LRRC4C: variants seen among roughly 807,000 people sequenced by gnomAD.
LRRC4C encodes the protein leucine-rich repeat-containing protein 4C.
LRRC4C carries 5 observed loss-of-function variants against 33.6 expected under a neutral mutation model. That is an observed-to-expected ratio of 0.15 (90% CI 0.08 to 0.31). The LOEUF (loss-of-function observed/expected upper bound fraction) is 0.31, where lower values mean the gene tolerates loss of function less well. LRRC4C is among the 10% of genes least tolerant of loss of function. The probability of loss-of-function intolerance (pLI) is 1.00; values close to 1 mark genes in which losing one functional copy is unlikely to be tolerated. For synonymous variants in LRRC4C, 329 were observed against 302.0 expected (o/e 1.09, Z -0.93); for missense variants, 560 against 796.7 (o/e 0.70, Z 3.58).
At position 40,609,933 on chromosome 11, in the gene LRRC4C, A is replaced by T. The variant is rs535685351; in HGVS notation, c.-270+38209T>A. ...CTAACAGAGAAAAGTCCAGAACCAG[A>T]TAGCTTCACTGGTGAATTCTACCAA... On this transcript the variant is annotated intron_variant, in intron 3 of 6. Coordinates refer to ENST00000528697, the MANE Select transcript of LRRC4C (RefSeq NM_001258419.2). 5.3e-5 allele frequency among the ~76,000 whole-genome samples: 8 copies of T among 152,122 alleles called. No individual in the cohort carries two copies. The South Asian group carries it at 1.7e-3, about 32-fold the overall frequency.
intron 1 of LRRC4C, among the ~76,000 whole-genome samples, chr11:41,381,226 G>A (rs987992606): frequency 6.6e-6 from 1 of 152,056 alleles, no homozygotes; most frequent in Admixed American, 6.6e-5. Context: ...AAAGTGGGGG[G>A]AACATTGTAA....
At chr11:40,785,425 GTAT>G (rs1203827368) in intron 2 of LRRC4C, among the ~76,000 whole-genome samples, 1 of 152,068 alleles carries the variant, frequency 6.6e-6, no homozygotes, top group Non-Finnish European at 1.5e-5. Context: ...TCACTAAAGG[GTAT>G]TATTAGAGGC....
intron 2 of LRRC4C, among the ~76,000 whole-genome samples, chr11:40,831,329 A>G (rs1952402919): frequency 6.6e-6 from 1 of 152,128 alleles, no homozygotes; most frequent in Non-Finnish European, 1.5e-5. Context: ...ATTATAAAAT[A>G]ATCCTTTAGT....
chr11:40,856,430 T>A (rs1953786154), intron 2 of LRRC4C, among the ~76,000 whole-genome samples: 1 of 152,108 alleles, frequency 6.6e-6, no homozygotes, highest in Non-Finnish European at 1.5e-5. Context: ...AGAGAAAAAA[T>A]TGCTCATTTT....
chr11:40,681,439 T>C (rs1403170013), intron 2 of LRRC4C, among the ~76,000 whole-genome samples: 1 of 152,212 alleles, frequency 6.6e-6, no homozygotes, highest in African/African-American at 2.4e-5. Flanking sequence ...ATGGCAAATG[T>C]AATAGGGTGC....
At chr11:40,977,006 G>T (rs1015525337) in intron 1 of LRRC4C, among the ~76,000 whole-genome samples, 3 of 152,052 alleles carry the variant, frequency 2.0e-5, no homozygotes, top group African/African-American at 7.2e-5. Flanking sequence ...TTGTTTTCCT[G>T]TAGCTAGATG....
At chr11:40,838,928 T>C (rs1217506059) in intron 2 of LRRC4C, among the ~76,000 whole-genome samples, 2 of 152,210 alleles carry the variant, frequency 1.3e-5, no homozygotes, top group East Asian at 3.9e-4. Context: ...ATGTATTTCT[T>C]TAACATTCTA....
intron 3 of LRRC4C, among the ~76,000 whole-genome samples, chr11:40,616,184 G>T (rs2135922155): frequency 6.6e-6 from 1 of 152,068 alleles, no homozygotes; most frequent in South Asian, 2.1e-4. Context: ...GGCCATCAAA[G>T]AAATGCAAAT....
intron 5 of LRRC4C, among the ~76,000 whole-genome samples, chr11:40,171,750 C>T (rs937814033): frequency 6.6e-6 from 1 of 152,134 alleles, no homozygotes; most frequent in African/African-American, 2.4e-5. Context: ...AAGTAGGTTG[C>T]TATTCGTTAT....
intron 3 of LRRC4C, among the ~76,000 whole-genome samples, chr11:40,645,875 A>G (rs185003353): frequency 2.5e-4 from 38 of 151,952 alleles, no homozygotes; most frequent in African/African-American, 8.4e-4. Context: ...AAGTCCCTCT[A>G]TTTTTCGGGG....
chr11:40,964,090 C>T (rs1298306265), intron 1 of LRRC4C, among the ~76,000 whole-genome samples: 2 of 151,462 alleles, frequency 1.3e-5, no homozygotes, highest in Non-Finnish European at 3.0e-5. Context: ...CAATGTGCCG[C>T]AGTTTCTTCA....
At chr11:41,210,235 C>G (rs182113789) in intron 1 of LRRC4C, among the ~76,000 whole-genome samples, 1 of 152,252 alleles carries the variant, frequency 6.6e-6, no homozygotes, top group East Asian at 1.9e-4. Context: ...GTGTCTTCAC[C>G]CAAATCTCAT....
intron 3 of LRRC4C, among the ~76,000 whole-genome samples, chr11:40,431,634 T>C (rs1950940820): frequency 6.6e-6 from 1 of 152,162 alleles, no homozygotes; most frequent in African/African-American, 2.4e-5. Flanking sequence ...CCTGTTAAAA[T>C]GTTTTGTCAT....
At chr11:41,389,117 C>T (rs1158870801) in intron 1 of LRRC4C, among the ~76,000 whole-genome samples, 2 of 151,762 alleles carry the variant, frequency 1.3e-5, no homozygotes, top group African/African-American at 4.8e-5. Flanking sequence ...ATTGAATTCT[C>T]TTTAATTTGT....
At position 40,330,983 on chromosome 11, in the gene LRRC4C, C is replaced by T. The variant is rs60852792; in HGVS notation, c.-269-11262G>A. Among the ~76,000 whole-genome samples the T allele has an allele frequency of 3.5e-3, 537 of 152,282 alleles. 6 individuals carry two copies. The highest frequency in any genetic ancestry group is 0.012 in the African/African-American group (511 of 41,550). ...TCTGACTATTCTTCCCTTCCCCATACCCTACCCAGACTCTAGGAACCACTC... is the reference window on the plus strand; with the variant it reads ...TCTGACTATTCTTCCCTTCCCCATATCCTACCCAGACTCTAGGAACCACTC... On this transcript the variant is annotated intron_variant, in intron 3 of 6. Transcript: ENST00000528697.
intron 1 of LRRC4C, among the ~76,000 whole-genome samples, chr11:41,050,694 A>G (rs1015374139): frequency 6.6e-6 from 1 of 152,060 alleles, no homozygotes; most frequent in Admixed American, 6.6e-5. Context: ...TCTATCACTG[A>G]TGGGCATTTG....
At chr11:40,940,849 T>C (rs547656133) in intron 1 of LRRC4C, among the ~76,000 whole-genome samples, 1 of 152,148 alleles carries the variant, frequency 6.6e-6, no homozygotes, top group Admixed American at 6.6e-5. Context: ...TTATTTTACT[T>C]ACTTAATTCT....
chr11:40,646,354 A>T (rs1942456280), intron 3 of LRRC4C, among the ~76,000 whole-genome samples: 1 of 152,222 alleles, frequency 6.6e-6, no homozygotes, highest in Admixed American at 6.5e-5. Context: ...CATAAGAATG[A>T]CACAAGCATA....
At chr11:41,136,059 A>G (rs1943246542) in intron 1 of LRRC4C, among the ~76,000 whole-genome samples, 1 of 152,130 alleles carries the variant, frequency 6.6e-6, no homozygotes, top group Admixed American at 6.6e-5. Flanking sequence ...TTCATCATTT[A>G]TTCAAAAAAA....
Sources: gnomAD v4.1 joint callset for allele counts (sites outside exome capture counted in the v4.1 genomes callset) on GRCh38, gnomAD v4.1.1 for gene constraint, MANE v1.5 for transcripts, NCBI Gene and HGNC (gene_info 2026-07-23, HGNC 2026-07-21) for gene names.